The following BIN1 variants were observed in gnomAD, a reference collection of about 807,000 sequenced individuals.
BIN1 encodes bridging integrator 1, also known as myc box-dependent-interacting protein 1.
A neutral mutation model predicts 82.0 loss-of-function variants in BIN1; 53 were observed. That is an observed-to-expected ratio of 0.65 (90% CI 0.52 to 0.81). The LOEUF is 0.81. Ranked by LOEUF, BIN1 falls within the 40% of genes least tolerant of loss-of-function variation. BIN1 has a pLI of 0.00. For synonymous variants in BIN1, 302 were observed against 328.0 expected (o/e 0.92, Z 0.86); for missense variants, 642 against 784.4 (o/e 0.82, Z 2.17).
chr2:127,050,439 GA>G lies in BIN1; in HGVS notation c.1655del (p.Phe552SerfsTer15). The G allele has an allele frequency of 6.2e-7, 1 of 1,614,204 alleles. No individual in the cohort carries two copies. Among genetic ancestry groups the G allele is most frequent in the East Asian group, 2.2e-5 (1 of 44,884 alleles). On this transcript the variant is annotated frameshift_variant, in exon 18 of 19. Coordinates refer to ENST00000316724, the MANE Select transcript of BIN1 (RefSeq NM_139343.3). LOFTEE classifies it high-confidence loss of function. Reference sequence around the variant, plus strand: ...CCCTCACCTGCTCTTCAGGGTTCTGGAAGGGGATCACCAGCACCACATCACC... The same window carrying G: ...CCCTCACCTGCTCTTCAGGGTTCTGGAGGGGATCACCAGCACCACATCACC... ...KAGDVVLVIP[F>X]QNPEEQDEGW...
Position 127,093,578 on chromosome 2 carries a change from G to A in BIN1, c.84+13282C>T, listed in dbSNP as rs566598694. 3.0e-4 allele frequency among the ~76,000 whole-genome samples: 46 copies of A among 152,262 alleles called. No individual in the cohort carries two copies. Among genetic ancestry groups the A allele is most frequent in the African/African-American group, 9.9e-4 (41 of 41,554 alleles). Reference sequence around the variant, plus strand: ...GGACTATCACCATTAGGTCACACCCGTTGTCCCATCATATGTCTACACGGC... The same window carrying A: ...GGACTATCACCATTAGGTCACACCCATTGTCCCATCATATGTCTACACGGC... On this transcript the variant is annotated intron_variant, in intron 1 of 18. Coordinates refer to ENST00000316724, the MANE Select transcript of BIN1 (RefSeq NM_139343.3). This position sits in a 1 kb window ranked among gnomAD's most constrained non-coding sequence, Gnocchi z 5.7.
At chr2:127,054,164 C>T (rs1417819683) in intron 12 of BIN1, 152 bp from the exon 13 acceptor site, 11 of 687,418 alleles carry the variant, frequency 1.6e-5, no homozygotes, top group Non-Finnish European at 2.6e-5. Context: ...CACGCACACA[C>T]GCTGGCACAC....
At chr2:127,071,412 T>C (rs2105084525) in intron 2 of BIN1, among the ~76,000 whole-genome samples, 1 of 152,116 alleles carries the variant, frequency 6.6e-6, no homozygotes, top group Non-Finnish European at 1.5e-5. Context: ...CCAGGATCAC[T>C]GGCCCAGCTG....
rs1003276237 is a variant in BIN1, at chr2:127,048,199, G to A, written c.*327C>T. ...GGACCCTTGCCCGGGTGGCGCGGCCGAAGCTTCAGGCAAGCATGGTGGCTC... is the reference window on the plus strand; with the variant it reads ...GGACCCTTGCCCGGGTGGCGCGGCCAAAGCTTCAGGCAAGCATGGTGGCTC... On this transcript the variant is annotated 3_prime_UTR_variant, in exon 19 of 19. Transcript: ENST00000316724. The A allele has an allele frequency of 1.7e-4, 67 of 389,372 alleles. 1 individual carries two copies. The highest frequency in any genetic ancestry group is 9.2e-4 in the South Asian group (39 of 42,430). 24.1% of individuals were successfully genotyped at this position (389,372 alleles called of 1,614,324 possible). A position where few individuals can be genotyped will look rare whatever the true frequency, so the allele number is the denominator to read the frequency against.
chr2:127,092,393 G>T (rs1257763873), intron 1 of BIN1, among the ~76,000 whole-genome samples: 4 of 152,184 alleles, frequency 2.6e-5, no homozygotes, highest in Admixed American at 6.5e-5. Flanking sequence ...ACTTCAGCAG[G>T]TGCCATCCCT....
intron 12 of BIN1, chr2:127,054,305 C>A: frequency 2.2e-6 from 1 of 451,382 alleles, no homozygotes; most frequent in Non-Finnish European, 4.1e-6. Flanking sequence ...ATAGGTCCGC[C>A]CGTGGCCGCC....
chr2:127,052,672 G>A (rs919203970), intron 14 of BIN1: 1 of 419,054 alleles, frequency 2.4e-6, no homozygotes, highest in Non-Finnish European at 4.4e-6. Context: ...ATCCTGCGGT[G>A]GAGCCTCCAG....
At position 127,090,017 on chromosome 2, in the gene BIN1, C is replaced by G. The variant is rs953928002; in HGVS notation, c.85-13311G>C. ...ACCCCCAGCTCACATAAGCCTTCCC[C>G]GCACCTGCCGCCCAGTGCACCTGCT... On this transcript the variant is annotated intron_variant, in intron 1 of 18. Coordinates refer to ENST00000316724, the MANE Select transcript of BIN1 (RefSeq NM_139343.3). The surrounding 1 kb of genome is among the most constrained non-coding windows in gnomAD (Gnocchi z 6.4). Among the ~76,000 whole-genome samples, 1 of 151,594 alleles carries G rather than the reference C, an allele frequency of 6.6e-6. No individual in the cohort carries two copies. The highest frequency in any genetic ancestry group is 1.5e-5 in the Non-Finnish European group (1 of 67,898).
At chr2:127,052,498 G>C in intron 14 of BIN1, 136 bp from the exon 15 acceptor site, 1 of 752,166 alleles carries the variant, frequency 1.3e-6, no homozygotes, top group African/African-American at 1.7e-5. Context: ...TACCAGCGGA[G>C]CCCGGCCAGC....
intron 1 of BIN1, among the ~76,000 whole-genome samples, chr2:127,078,916 C>G (rs1385000165): frequency 6.6e-6 from 1 of 150,488 alleles, no homozygotes; most frequent in Non-Finnish European, 1.5e-5. Context: ...TCCCAGAAGT[C>G]TACCAGAGCC....
At chr2:127,049,150 C>A (rs545129456) in intron 18 of BIN1, among the ~76,000 whole-genome samples, 1 of 152,170 alleles carries the variant, frequency 6.6e-6, no homozygotes, top group Non-Finnish European at 1.5e-5. Flanking sequence ...GTGGCTGGGC[C>A]GAGGCTGCCC....
Position 127,067,867 on chromosome 2 carries a change from A to G in BIN1, c.612+296T>C, listed in dbSNP as rs970649854. On this transcript the variant is annotated intron_variant, in intron 7 of 18. Coordinates refer to ENST00000316724, the MANE Select transcript of BIN1 (RefSeq NM_139343.3). This position sits in a 1 kb window ranked among gnomAD's most constrained non-coding sequence, Gnocchi z 4.7. ...AGCCCTCACAGAGGACAATGGCTCA[A>G]AGGCATTCCTGGACCACTAGGATTT... 2.0e-5 allele frequency among the ~76,000 whole-genome samples: 3 copies of G among 152,240 alleles called. No homozygotes were observed. Among genetic ancestry groups the G allele is most frequent in the Non-Finnish European group, 2.9e-5 (2 of 68,044 alleles).
intron 10 of BIN1, chr2:127,060,742 A>G (rs1476729417): frequency 3.4e-6 from 5 of 1,450,684 alleles, no homozygotes; most frequent in Non-Finnish European, 4.8e-6. Flanking sequence ...TGCTCAGAGG[A>G]CAAAGGGGCA....
chr2:127,085,245 A>G (rs1386758899), intron 1 of BIN1, among the ~76,000 whole-genome samples: 1 of 152,034 alleles, frequency 6.6e-6, no homozygotes, highest in Admixed American at 6.5e-5. Context: ...GCCCAGGGGC[A>G]CCGGGAAGTG....
rs569750818 is a variant in BIN1, at chr2:127,057,670, G to C, written c.1003-69C>G. The C allele has an allele frequency of 1.3e-4, 193 of 1,440,870 alleles. 1 individual carries two copies. Among genetic ancestry groups the C allele is most frequent in the Non-Finnish European group, 1.7e-4 (188 of 1,092,466 alleles). The allele number at this position is 1,440,870 out of a possible 1,614,324, so 89.3% of individuals were successfully genotyped here. On this transcript the variant is annotated intron_variant, in intron 11 of 18. Coordinates refer to ENST00000316724, the MANE Select transcript of BIN1 (RefSeq NM_139343.3). The surrounding 1 kb of genome is among the most constrained non-coding windows in gnomAD (Gnocchi z 5.0). ...CAGAGCACGGGGTTTGGGGGAGACA[G>C]ACAGAGACAAAGCCACGGTTAGTCA...
intron 10 of BIN1, among the ~76,000 whole-genome samples, chr2:127,061,199 C>A (rs1187630661): frequency 4.8e-5 from 7 of 147,142 alleles, no homozygotes; most frequent in Non-Finnish European, 1.1e-4. Context: ...CCACAACCCC[C>A]ACCCCGCTAC....
Position 127,059,124 on chromosome 2 carries a change from G to C in BIN1, c.889C>G (p.Pro297Ala), listed in dbSNP as rs1160778854. The change falls in exon 11 of 19, where the codon CCT becomes GCT. Residue 297 changes from proline to alanine, a missense_variant. By Grantham distance (27) the Pro-to-Ala change is conservative. Coordinates refer to ENST00000316724, the MANE Select transcript of BIN1 (RefSeq NM_139343.3). The surrounding 1 kb of genome is among the most constrained non-coding windows in gnomAD (Gnocchi z 6.7). ...GCAGGGGAGCCATCTGGAGGCGAAG[G>C]GCTCTTGTTCCCTTTTGCAGGCGCG... is the stretch of plus-strand genomic sequence containing the variant. ...DNAPAKGNKS[P>A]SPPDGSPAAT... is the part of the protein sequence containing the mutation. 7 of 1,590,964 alleles carry C rather than the reference G, an allele frequency of 4.4e-6. No individual in the cohort carries two copies. In the South Asian group the frequency reaches 6.9e-5, roughly 16 times the overall value.
At chr2:127,061,528 G>A (rs750190675) in intron 10 of BIN1, among the ~76,000 whole-genome samples, 3 of 152,272 alleles carry the variant, frequency 2.0e-5, no homozygotes, top group Admixed American at 6.5e-5. Flanking sequence ...TCCCAGGCTC[G>A]CTGCTTCCTC....
rs769133774 is a variant in BIN1, at chr2:127,068,263, G to C, written c.520-8C>G. On this transcript the variant is annotated splice_polypyrimidine_tract_variant and splice_region_variant and intron_variant, in intron 6 of 18. Coordinates refer to ENST00000316724, the MANE Select transcript of BIN1 (RefSeq NM_139343.3). The surrounding 1 kb of genome is among the most constrained non-coding windows in gnomAD (Gnocchi z 4.9). Reference sequence around the variant, plus strand: ...CTCAAGCAGCGAGACAGGCTGGGGTGGGGAGGTCAAGGCAAAGGAAGGTGG... The same window carrying C: ...CTCAAGCAGCGAGACAGGCTGGGGTCGGGAGGTCAAGGCAAAGGAAGGTGG... 2 of 1,609,696 alleles carry C rather than the reference G, an allele frequency of 1.2e-6. No homozygotes were observed. Among genetic ancestry groups the C allele is most frequent in the African/African-American group, 1.3e-5 (1 of 75,014 alleles).
Sources: allele counts gnomAD v4.1 joint callset (sites outside exome capture counted in the v4.1 genomes callset), GRCh38; gene constraint gnomAD v4.1.1; non-coding constraint Gnocchi (gnomAD v3.1); transcripts MANE v1.5; gene names NCBI Gene and HGNC (gene_info 2026-07-23, HGNC 2026-07-21).